The following RTEL1 variants were observed in gnomAD, a reference collection of about 807,000 sequenced individuals.
The protein encoded by RTEL1 is regulator of telomere elongation helicase 1.
A neutral mutation model predicts 162.2 loss-of-function variants in RTEL1; 86 were observed. That is an observed-to-expected ratio of 0.53 (90% confidence interval 0.45 to 0.63). The LOEUF (loss-of-function observed/expected upper bound fraction) is 0.63, where lower values mean the gene tolerates loss of function less well. RTEL1 is among the 30% of genes least tolerant of loss of function. The probability of loss-of-function intolerance (pLI) is 0.00; values close to 1 mark genes in which losing one functional copy is unlikely to be tolerated. For synonymous variants in RTEL1, 958 were observed against 717.9 expected, an observed-to-expected ratio of 1.33 and a Z score of -5.35; for missense variants, 1,941 against 1,750.2, an observed-to-expected ratio of 1.11 and a Z score of -1.95.
rs1043370926 is a variant in RTEL1, at chr20:63,682,314, C to G, written c.1191+1595C>G. 4 of 985,234 alleles carry G rather than the reference C, an allele frequency of 4.1e-6. No individual in the cohort carries two copies. The African/African-American group carries it at 7.0e-5, about 17-fold the overall frequency. 61.0% of individuals were successfully genotyped at this position (985,234 alleles called of 1,614,324 possible). ...CCCCAGCTATGGAGAAGACTCCACACTCTGGAACCGAATCCTGGAACGCGG... is the reference window on the plus strand; with the variant it reads ...CCCCAGCTATGGAGAAGACTCCACAGTCTGGAACCGAATCCTGGAACGCGG... On this transcript the variant is annotated intron_variant, in intron 14 of 34. Coordinates refer to ENST00000360203, the MANE Select transcript of RTEL1 (RefSeq NM_001283009.2).
Position 63,688,380 on chromosome 20 carries a change from C to G in RTEL1, c.1716C>G (p.Phe572Leu), listed in dbSNP as rs773043802. The G allele has an allele frequency of 6.2e-7, 1 of 1,612,468 alleles. No individual in the cohort carries two copies. The highest frequency in any genetic ancestry group is 1.1e-5 in the South Asian group (1 of 91,086). The change falls in exon 20 of 35, where the codon TTC (phenylalanine) becomes TTG (leucine). Residue 572 changes from phenylalanine to leucine, a missense_variant. Physicochemically the swap from Phe to Leu is conservative, Grantham distance 22 (BLOSUM62 0). Coordinates refer to ENST00000360203, the MANE Select transcript of RTEL1 (RefSeq NM_001283009.2). ...SYPVMEKSLEFWRARDLARKM... is the reference protein window; with the variant it reads ...SYPVMEKSLELWRARDLARKM... The stretch of plus-strand genomic sequence containing the variant: ...CTGTCATGGAGAAGAGCCTGGAGTT[C>G]TGGCGGGTGCGTCTCCCCTGTGTTC...
rs765060195 is a variant in RTEL1 at position 63,695,084 on chromosome 20, G to A, written c.3362G>A (p.Arg1121His). ...CCCGCAGGGTTCAGCATGTTTGTGC[G>A]TCCACACCACAAGCAGCGCTTCTCA... ...PLLHRFSMFVRPHHKQRFSQT... is the reference protein window; with the variant it reads ...PLLHRFSMFVHPHHKQRFSQT... Residue 1121 changes from arginine to histidine, a missense_variant, in exon 33 of 35, where the codon CGT becomes CAT. Coordinates refer to ENST00000360203, the MANE Select transcript of RTEL1 (RefSeq NM_001283009.2). The A allele has an allele frequency of 1.6e-5, 26 of 1,612,248 alleles. No homozygotes were observed. The highest frequency in any genetic ancestry group is 1.7e-4 in the Middle Eastern group (1 of 6,060).
Position 63,666,192 on chromosome 20 carries a change from G to A in RTEL1, c.614+113G>A, listed in dbSNP as rs1401087224. ...TTTTCTTTGTTCCTTTTTAAATTATGAAACTAACCACCATTCAGTACGAAA... is the reference window on the plus strand; with the variant it reads ...TTTTCTTTGTTCCTTTTTAAATTATAAAACTAACCACCATTCAGTACGAAA... On this transcript the variant is annotated intron_variant, in intron 7 of 34. Transcript: ENST00000360203. 8.3e-6 allele frequency: 7 copies of A among 846,450 alleles called. No homozygotes were observed. In the African/African-American group the frequency reaches 1.2e-4, roughly 14 times the overall value. The allele number at this position is 846,450 out of a possible 1,614,324, so 52.4% of individuals were successfully genotyped here. A position where few individuals can be genotyped will look rare whatever the true frequency, so the allele number is the denominator to read the frequency against.
In RTEL1 at chr20:63,692,984, G is replaced by C. The variant is rs147040733; in HGVS notation, c.2832G>C (p.Lys944Asn). 9 of 1,612,496 alleles carry C rather than the reference G, an allele frequency of 5.6e-6. No homozygotes were observed. In the African/African-American group the frequency reaches 1.1e-4, roughly 19 times the overall value. ...CLGPLFAEDP[K>N]KHNLLQGFYQ... ...GCCCCCTCTTTGCTGAGGACCCCAAGAAGCACAACCTGCTCCAAGGTGCCC... is the reference window on the plus strand; with the variant it reads ...GCCCCCTCTTTGCTGAGGACCCCAACAAGCACAACCTGCTCCAAGGTGCCC... The change falls in exon 29 of 35, where the codon AAG becomes AAC. Residue 944 changes from lysine (K) to asparagine (N), a missense_variant. By Grantham distance (94) the Lys-to-Asn change is moderately conservative (BLOSUM62 0). Coordinates refer to ENST00000360203, the MANE Select transcript of RTEL1 (RefSeq NM_001283009.2).
At chr20:63,662,977 C>A in intron 6 of RTEL1, 88 bp downstream of exon 6, 1 of 1,356,902 alleles carries the variant, frequency 7.4e-7, no homozygotes, top group Non-Finnish European at 1.1e-6. Context: ...CCTGGTTGTG[C>A]TTGCCCGGTG....
Position 63,681,459 on chromosome 20 carries a change from T to C in RTEL1, c.1191+740T>C, listed in dbSNP as rs545117741. On this transcript the variant is annotated intron_variant, in intron 14 of 34. Coordinates refer to ENST00000360203, the MANE Select transcript of RTEL1 (RefSeq NM_001283009.2). ...GAGGCCTCCTCTGTGCTGCCCACGCTGTACCTGCTGGCCACACGAGATCAT... is the reference window on the plus strand; with the variant it reads ...GAGGCCTCCTCTGTGCTGCCCACGCCGTACCTGCTGGCCACACGAGATCAT... 6.1e-6 allele frequency: 6 copies of C among 985,290 alleles called. No homozygotes were observed. In the Admixed American group the frequency reaches 3.1e-4, roughly 50 times the overall value. 61.0% of individuals were successfully genotyped at this position (985,290 alleles called of 1,614,324 possible). A position where few individuals can be genotyped will look rare whatever the true frequency, so the allele number is the denominator to read the frequency against.
At chr20:63,679,750 G>T in intron 12 of RTEL1, 99 bp from the exon 13 acceptor site, 2 of 874,798 alleles carry the variant, frequency 2.3e-6, no homozygotes, top group South Asian at 1.3e-5. Context: ...GACCAGTGTC[G>T]TCCCCCCTCA....
intron 22 of RTEL1, 22 bp from the exon 23 acceptor site, chr20:63,689,480 A>G: frequency 1.3e-6 from 2 of 1,538,704 alleles, no homozygotes; most frequent in Non-Finnish European, 1.8e-6. Flanking sequence ...GGCCCCAGGC[A>G]GCTCCCTGGT....
At chr20:63,694,578 C>T in intron 31 of RTEL1, 90 bp downstream of exon 31, 1 of 1,292,376 alleles carries the variant, frequency 7.7e-7, no homozygotes, top group Non-Finnish European at 1.1e-6. Flanking sequence ...GCCGGGGCTG[C>T]CCCTGTGGGG....
chr20:63,672,270 C>G (rs1029881267), intron 8 of RTEL1, among the ~76,000 whole-genome samples: 1 of 152,180 alleles, frequency 6.6e-6, no homozygotes, highest in Non-Finnish European at 1.5e-5. Context: ...TCTGTGGCTT[C>G]CTGACTGCGG....
At chr20:63,679,824 G>C in intron 12 of RTEL1, 25 bp from the exon 13 acceptor site, 1 of 1,596,624 alleles carries the variant, frequency 6.3e-7, no homozygotes, top group Non-Finnish European at 8.5e-7. Context: ...CGCCAGGCTC[G>C]AGCCTGCCTT....
At position 63,696,059 on chromosome 20, in the gene RTEL1, A is replaced by G; in HGVS notation, c.*201A>G. 1.7e-6 allele frequency: 1 copy of G among 583,102 alleles called. No individual in the cohort carries two copies. Among genetic ancestry groups the G allele is most frequent in the South Asian group, 2.2e-5 (1 of 45,978 alleles). 36.1% of individuals were successfully genotyped at this position (583,102 alleles called of 1,614,324 possible). On this transcript the variant is annotated 3_prime_UTR_variant, in exon 35 of 35. Coordinates refer to ENST00000360203, the MANE Select transcript of RTEL1 (RefSeq NM_001283009.2). ...GCCTGCCTCTGAGAAGCCCTGAGCT[A>G]CCTTGGGGTCTGGGGTGGGTTTCTG...
chr20:63,665,794 G>A (rs567766836), intron 6 of RTEL1, among the ~76,000 whole-genome samples: 22 of 152,302 alleles, frequency 1.4e-4, no homozygotes, highest in African/African-American at 5.1e-4. Context: ...CCTTCTGGGG[G>A]CAGAGGAGGA....
In RTEL1 at chr20:63,674,077, G is replaced by C; in HGVS notation, c.903G>C (p.Ala301=). The change falls in exon 10 of 35, where the codon GCG becomes GCC. Residue 301 remains alanine, a synonymous_variant. Coordinates refer to ENST00000360203, the MANE Select transcript of RTEL1 (RefSeq NM_001283009.2). ...QQGEPHPEFS[A]DSPSPGLNME... ...GTGAGCCCCACCCGGAGTTCAGCGCGGACTCCCCCAGCCCAGGTGCGTTCA... is the reference window on the plus strand; with the variant it reads ...GTGAGCCCCACCCGGAGTTCAGCGCCGACTCCCCCAGCCCAGGTGCGTTCA... The C allele has an allele frequency of 6.2e-7, 1 of 1,611,558 alleles. No individual in the cohort carries two copies. Among genetic ancestry groups the C allele is most frequent in the South Asian group, 1.1e-5 (1 of 90,932 alleles).
At chr20:63,691,642 A>T in intron 27 of RTEL1, 100 bp from the exon 28 acceptor site, 1 of 1,028,910 alleles carries the variant, frequency 9.7e-7, no homozygotes, top group Non-Finnish European at 1.5e-6. Flanking sequence ...ATCTTGGCTC[A>T]GGGCTCCTTG....
chr20:63,673,807 C>A, intron 9 of RTEL1, 133 bp from the exon 10 acceptor site: 1 of 974,638 alleles, frequency 1.0e-6, no homozygotes, highest in Non-Finnish European at 1.5e-6. Context: ...TGGCCTTTTA[C>A]AGACCCCAGG....
rs764787580 is a variant in RTEL1 at position 63,688,190 on chromosome 20, T to A, written c.1636+11T>A. 5.0e-6 allele frequency: 8 copies of A among 1,611,474 alleles called. No individual in the cohort carries two copies. The highest frequency in any genetic ancestry group is 1.3e-5 in the African/African-American group (1 of 74,900). ...TGGGGAAGGCTCTGGGTGAGTGCCC[T>A]GAATGCCCCAGCTGTGCCCATCCTG... On this transcript the variant is annotated intron_variant, in intron 19 of 34. Coordinates refer to ENST00000360203, the MANE Select transcript of RTEL1 (RefSeq NM_001283009.2).
chr20:63,664,456 C>A (rs2090084961), intron 6 of RTEL1, among the ~76,000 whole-genome samples: 1 of 152,044 alleles, frequency 6.6e-6, no homozygotes, highest in Non-Finnish European at 1.5e-5. Context: ...GGATGCTGGG[C>A]CTGGGACCTG....
chr20:63,692,321 G>A (rs927038974), intron 28 of RTEL1: 4 of 229,196 alleles, frequency 1.7e-5, no homozygotes, highest in Non-Finnish European at 2.6e-5. Flanking sequence ...CTGCTGAGGG[G>A]CCTGGGCTGG....
Sources: allele counts gnomAD v4.1 joint callset (sites outside exome capture counted in the v4.1 genomes callset), GRCh38; gene constraint gnomAD v4.1.1; transcripts MANE v1.5; gene names NCBI Gene and HGNC (gene_info 2026-07-23, HGNC 2026-07-21).